Variants in ATF6 observed in about 807,000 individuals in gnomAD.
ATF6 encodes cyclic AMP-dependent transcription factor ATF-6 alpha.
Under a neutral mutation model 83.6 loss-of-function variants are expected in ATF6, and 53 were observed. The observed-to-expected ratio is 0.63, with a 90% CI of 0.51 to 0.80. The LOEUF (loss-of-function observed/expected upper bound fraction) is 0.80. Ranked by LOEUF, ATF6 falls within the 30% of genes least tolerant of loss-of-function variation. The pLI is 0.00. For missense variants in ATF6, 744 were observed against 797.9 expected (o/e 0.93, Z 0.81); for synonymous variants, 288 against 285.8 (o/e 1.01, Z -0.08).
chr1:161,779,929 G>T (rs207460519), intron 2 of ATF6, among the ~76,000 whole-genome samples: 2 of 151,878 alleles, frequency 1.3e-5, no homozygotes, highest in African/African-American at 4.8e-5. Context: ...GTAGAGACGG[G>T]GTTTCACTAC....
intron 1 of ATF6, among the ~76,000 whole-genome samples, chr1:161,774,432 CACACAT>C (rs1419240855): frequency 4.2e-5 from 6 of 141,422 alleles, no homozygotes; most frequent in Non-Finnish European, 7.6e-5. Flanking sequence ...CACACACACA[CACACAT>C]ACACACATAT....
Position 161,870,647 on chromosome 1 carries a change from C to T in ATF6, c.1719+7335C>T, listed in dbSNP as rs117025688. On this transcript the variant is annotated intron_variant, in intron 14 of 15. Coordinates refer to ENST00000367942, the MANE Select transcript of ATF6 (RefSeq NM_007348.4). ...TGTTGTGTGGTTTTAGAGGATTCAA[C>T]TATTTGTTCTTTGTCTCTATAACAT... 2.5e-3 allele frequency among the ~76,000 whole-genome samples: 377 copies of T among 151,914 alleles called. 8 individuals carry two copies. The East Asian group carries it at 0.042, about 17-fold the overall frequency.
chr1:161,769,043 G>A (rs921074014), intron 1 of ATF6, among the ~76,000 whole-genome samples: 2 of 152,164 alleles, frequency 1.3e-5, no homozygotes, highest in African/African-American at 4.8e-5. Context: ...GAAATTTAGA[G>A]CAAGAGTCTT....
intron 3 of ATF6, among the ~76,000 whole-genome samples, chr1:161,782,265 A>G (rs189503932): frequency 6.6e-6 from 1 of 152,248 alleles, no homozygotes; most frequent in Non-Finnish European, 1.5e-5. Context: ...ATTATGAATA[A>G]TGTCTCTGTA....
chr1:161,945,180 A>G (rs1056267369), intron 15 of ATF6, among the ~76,000 whole-genome samples: 3 of 152,258 alleles, frequency 2.0e-5, no homozygotes, highest in African/African-American at 7.2e-5. Flanking sequence ...GAACCTGCAA[A>G]TGATAGCAAG....
Position 161,963,735 on chromosome 1 carries a change from A to G in ATF6, c.*5081A>G, listed in dbSNP as rs999763760. The G allele has an allele frequency of 1.3e-5, 2 of 152,250 alleles. No individual in the cohort carries two copies. The highest frequency in any genetic ancestry group is 4.8e-5 in the African/African-American group (2 of 41,450). 9.4% of individuals were successfully genotyped at this position (152,250 alleles called of 1,614,324 possible). A position where few individuals can be genotyped will look rare whatever the true frequency, so the allele number is the denominator to read the frequency against. On this transcript the variant is annotated 3_prime_UTR_variant, in exon 16 of 16. Transcript: ENST00000367942. ...AACAGAGCTTTAGATGAAAACTACT[A>G]TGCACTACTAGCCTTAGAGGCACTG...
rs1379197864 is a variant in ATF6 at position 161,963,519 on chromosome 1, A to G, written c.*4865A>G. 1.3e-5 allele frequency: 2 copies of G among 152,244 alleles called. No homozygotes were observed. Among genetic ancestry groups the G allele is most frequent in the East Asian group, 3.8e-4 (2 of 5,206 alleles). 9.4% of individuals were successfully genotyped at this position (152,244 alleles called of 1,614,324 possible). ...CATAATTTATCATTTGCCAAGGCCA[A>G]CAAACAACACTATTGTGCTGTTTGC... On this transcript the variant is annotated 3_prime_UTR_variant, in exon 16 of 16. Coordinates refer to ENST00000367942, the MANE Select transcript of ATF6 (RefSeq NM_007348.4).
At chr1:161,944,689 G>T (rs1255848333) in intron 15 of ATF6, among the ~76,000 whole-genome samples, 1 of 152,198 alleles carries the variant, frequency 6.6e-6, no homozygotes, top group African/African-American at 2.4e-5. Flanking sequence ...AGCCTCTGCT[G>T]CAAGGAAGCT....
chr1:161,863,000 A>G (rs1277384946), intron 13 of ATF6, among the ~76,000 whole-genome samples, 198 bp from the exon 14 acceptor site: 1 of 152,184 alleles, frequency 6.6e-6, no homozygotes, highest in Non-Finnish European at 1.5e-5. Context: ...GAATTTTAGC[A>G]TAAGTGAATG....
intron 14 of ATF6, among the ~76,000 whole-genome samples, chr1:161,888,084 C>T (rs923625327): frequency 5.3e-5 from 8 of 152,176 alleles, no homozygotes; most frequent in African/African-American, 1.9e-4. Flanking sequence ...GAACAGGAAA[C>T]ATTACGAATA....
chr1:161,807,865 C>CTTTTTTTTTTTTTTTTTTTTTTT lies in ATF6; in HGVS notation c.909+5603_909+5625dup, dbSNP rs761462420. On this transcript the variant is annotated intron_variant, in intron 7 of 15. Coordinates refer to ENST00000367942, the MANE Select transcript of ATF6 (RefSeq NM_007348.4). ...CTTTTTGTACTTTTTAGTTTGTCAT[C>CTTTTTTTTTTTTTTTTTTTTTTT]TTTTTTTTTTTTTTTTTTTTTTTTT... 1.2e-4 allele frequency among the ~76,000 whole-genome samples: 4 copies of CTTTTTTTTTTTTTTTTTTTTTTT among 32,306 alleles called. 1 individual carries two copies. Among genetic ancestry groups the CTTTTTTTTTTTTTTTTTTTTTTT allele is most frequent in the African/African-American group, 2.3e-4 (2 of 8,748 alleles). 21.2% of individuals were successfully genotyped at this position (32,306 alleles called of 152,430 possible).
At chr1:161,890,980 A>C (rs1571217460) in intron 14 of ATF6, 1 of 152,220 alleles carries the variant, frequency 6.6e-6, no homozygotes, top group African/African-American at 2.4e-5. Context: ...ATGCAGGGGA[A>C]AGTAGATTTG....
At chr1:161,838,086 T>C (rs1209546305) in intron 9 of ATF6, among the ~76,000 whole-genome samples, 1 of 152,258 alleles carries the variant, frequency 6.6e-6, no homozygotes, top group African/African-American at 2.4e-5. Context: ...TTAGTAACTC[T>C]GCCCGTTTCC....
In ATF6 at chr1:161,944,096, C is replaced by A. The variant is rs146930155; in HGVS notation, c.1805-14350C>A. 7.6e-3 allele frequency among the ~76,000 whole-genome samples: 1,151 copies of A among 152,264 alleles called. 19 individuals carry two copies. The highest frequency in any genetic ancestry group is 0.027 in the African/African-American group (1,106 of 41,538). ...CCAAAATGATATGGTATAGCAGCAT[C>A]AAAGCTAAAACCAAGACTGGTCTTC... is the stretch of plus-strand genomic sequence containing the variant. On this transcript the variant is annotated intron_variant, in intron 15 of 15. Coordinates refer to ENST00000367942, the MANE Select transcript of ATF6 (RefSeq NM_007348.4).
Position 161,795,275 on chromosome 1 carries a change from G to A in ATF6, c.688+2948G>A, listed in dbSNP as rs550837984. On this transcript the variant is annotated intron_variant, in intron 6 of 15. Coordinates refer to ENST00000367942, the MANE Select transcript of ATF6 (RefSeq NM_007348.4). ...TAACTCATGCAGTGCCCTTATGGAA[G>A]CTATTATTATATAGAAAAGGAGATT... is the stretch of plus-strand genomic sequence containing the variant. Among the ~76,000 whole-genome samples the A allele has an allele frequency of 2.6e-5, 4 of 152,210 alleles. No homozygotes were observed. The East Asian group carries it at 7.7e-4, about 29-fold the overall frequency.
intron 6 of ATF6, among the ~76,000 whole-genome samples, chr1:161,799,676 A>G (rs1462427005): frequency 6.6e-6 from 1 of 152,224 alleles, no homozygotes; most frequent in Non-Finnish European, 1.5e-5. Flanking sequence ...AATACATTGT[A>G]TCTACTCCAA....
intron 1 of ATF6, among the ~76,000 whole-genome samples, chr1:161,773,338 C>T (rs143368584): frequency 1.1e-4 from 16 of 152,062 alleles, no homozygotes; most frequent in African/African-American, 3.6e-4. Context: ...GGGGTTTCAC[C>T]GTGTTAGCCG....
chr1:161,876,810 T>C (rs555455465), intron 14 of ATF6, among the ~76,000 whole-genome samples: 2 of 152,038 alleles, frequency 1.3e-5, no homozygotes, highest in Non-Finnish European at 2.9e-5. Flanking sequence ...ATCTTTTCTG[T>C]ATCTTATATG....
Position 161,878,642 on chromosome 1 carries a change from A to T in ATF6, c.1719+15330A>T, listed in dbSNP as rs1400322053. On this transcript the variant is annotated intron_variant, in intron 14 of 15. Coordinates refer to ENST00000367942, the MANE Select transcript of ATF6 (RefSeq NM_007348.4). ...AGATTTTGAATTGGAGAAGGATGAG[A>T]GCAGCAAAGGAGACTAAATAGGAGC... Among the ~76,000 whole-genome samples the T allele has an allele frequency of 5.3e-5, 8 of 152,280 alleles. No homozygotes were observed. The East Asian group carries it at 1.5e-3, about 29-fold the overall frequency.
Sources: allele counts gnomAD v4.1 joint callset (sites outside exome capture counted in the v4.1 genomes callset), GRCh38; gene constraint gnomAD v4.1.1; transcripts MANE v1.5; gene names NCBI Gene and HGNC (gene_info 2026-07-23, HGNC 2026-07-21).